The following SLC6A17 variants were observed in gnomAD, a reference collection of about 807,000 sequenced individuals.
The protein encoded by SLC6A17 is solute carrier family 6 member 17.
Under a neutral mutation model 64.5 loss-of-function variants are expected in SLC6A17, and 21 were observed. The observed-to-expected ratio is 0.33, with a 90% CI of 0.23 to 0.47. SLC6A17 has a LOEUF of 0.47. Ranked by LOEUF, SLC6A17 falls within the 20% of genes least tolerant of loss-of-function variation. The pLI is 1.00. For missense variants in SLC6A17, 682 were observed against 963.2 expected (o/e 0.71, Z 3.86); for synonymous variants, 372 against 399.5 (o/e 0.93, Z 0.82).
chr1:110,194,646 C>T lies in SLC6A17; in HGVS notation c.1367C>T (p.Pro456Leu), dbSNP rs141398428. The change falls in exon 9 of 12, where the codon CCG becomes CTG. Residue 456 changes from proline (P) to leucine (L), a missense_variant. Physicochemically the swap from Pro to Leu is moderately conservative, Grantham distance 98 (BLOSUM62 -3). Coordinates refer to ENST00000331565, the MANE Select transcript of SLC6A17 (RefSeq NM_001010898.4). Reference sequence around the variant, plus strand: ...GCCATGACGCACTTCCCCGCCTCCCCGTTCTGGTCCGTCATGTTCTTCTTG... The same window carrying T: ...GCCATGACGCACTTCCCCGCCTCCCTGTTCTGGTCCGTCATGTTCTTCTTG... ...TEAMTHFPASPFWSVMFFLML... is the reference protein window; with the variant it reads ...TEAMTHFPASLFWSVMFFLML... 18 of 1,614,064 alleles carry T rather than the reference C, an allele frequency of 1.1e-5. No homozygotes were observed. Among genetic ancestry groups the T allele is most frequent in the South Asian group, 3.3e-5 (3 of 91,082 alleles).
intron 6 of SLC6A17, among the ~76,000 whole-genome samples, chr1:110,187,730 C>T (rs1557839255): frequency 6.6e-6 from 1 of 152,188 alleles, no homozygotes; most frequent in Non-Finnish European, 1.5e-5. Flanking sequence ...TTGACATTTG[C>T]GAATACCAGA....
In SLC6A17 at chr1:110,172,313, C is replaced by T. The variant is rs140521119; in HGVS notation, c.444+96C>T. The T allele has an allele frequency of 5.2e-4, 753 of 1,441,306 alleles. No individual in the cohort carries two copies. The African/African-American group carries it at 8.2e-3, about 16-fold the overall frequency. 89.3% of individuals were successfully genotyped at this position (1,441,306 alleles called of 1,614,324 possible). A position where few individuals can be genotyped will look rare whatever the true frequency, so the allele number is the denominator to read the frequency against. On this transcript the variant is annotated intron_variant, in intron 3 of 11. Coordinates refer to ENST00000331565, the MANE Select transcript of SLC6A17 (RefSeq NM_001010898.4). Reference sequence around the variant, plus strand: ...ACCGAGTTTCCAGGCCAGAGTCCTACGTCAGGACAAGGGCAGGGAGGGGGA... The same window carrying T: ...ACCGAGTTTCCAGGCCAGAGTCCTATGTCAGGACAAGGGCAGGGAGGGGGA...
intron 1 of SLC6A17, among the ~76,000 whole-genome samples, chr1:110,158,838 C>T (rs6696785): frequency 0.022 from 3,380 of 152,264 alleles, 138 homozygotes; most frequent in African/African-American, 0.076. Flanking sequence ...TATTTTTGCA[C>T]ATTGCCACAT....
At position 110,166,891 on chromosome 1, in the gene SLC6A17, T is replaced by C; in HGVS notation, c.-39T>C. 6.4e-7 allele frequency: 1 copy of C among 1,558,078 alleles called. No individual in the cohort carries two copies. The highest frequency in any genetic ancestry group is 1.4e-5 in the African/African-American group (1 of 73,790). On this transcript the variant is annotated 5_prime_UTR_variant, in exon 2 of 12. Coordinates refer to ENST00000331565, the MANE Select transcript of SLC6A17 (RefSeq NM_001010898.4). ...CAGCAGCTGAATTCCATCTTCTCTG[T>C]GTGCTGGGGAGCAGGGCTACACGGC... is the stretch of plus-strand genomic sequence containing the variant.
intron 11 of SLC6A17, 133 bp downstream of exon 11, chr1:110,197,732 G>A (rs1289182254): frequency 1.7e-5 from 18 of 1,051,298 alleles, no homozygotes; most frequent in Non-Finnish European, 2.4e-5. Context: ...CACCTAAACC[G>A]CAATCTTACA....
At chr1:110,182,916 C>G (rs887192634) in intron 6 of SLC6A17, among the ~76,000 whole-genome samples, 2 of 152,048 alleles carry the variant, frequency 1.3e-5, no homozygotes, top group African/African-American at 2.4e-5. Context: ...TTTTGCGATA[C>G]AGGAGCAGAG....
At chr1:110,173,908 TG>T in intron 3 of SLC6A17, 64 bp from the exon 4 acceptor site, 5 of 1,515,152 alleles carry the variant, frequency 3.3e-6, no homozygotes, top group Admixed American at 2.0e-5. Context: ...GGGCCTCGGG[TG>T]GAGCGTGGGG....
intron 6 of SLC6A17, among the ~76,000 whole-genome samples, chr1:110,189,199 C>T (rs1490641412): frequency 1.3e-5 from 2 of 152,216 alleles, no homozygotes; most frequent in East Asian, 1.9e-4. Flanking sequence ...ATCTGTCCAG[C>T]GGACCACTTG....
intron 1 of SLC6A17, among the ~76,000 whole-genome samples, chr1:110,164,469 C>G (rs929398559): frequency 6.6e-6 from 1 of 152,224 alleles, no homozygotes; most frequent in African/African-American, 2.4e-5. Flanking sequence ...CTGAGTCTGA[C>G]CCTGTTGTCA....
At chr1:110,190,923 T>G (rs1656809101) in intron 6 of SLC6A17, among the ~76,000 whole-genome samples, 1 of 152,224 alleles carries the variant, frequency 6.6e-6, no homozygotes, top group Admixed American at 6.5e-5. Context: ...GCAAGTCATT[T>G]CATCTTTGGG....
chr1:110,194,441 A>G (rs979181062), intron 8 of SLC6A17, 138 bp from the exon 9 acceptor site: 11 of 925,894 alleles, frequency 1.2e-5, no homozygotes, highest in Middle Eastern at 3.4e-4. Context: ...GCCAAAATCA[A>G]CAGGATTTAG....
At chr1:110,182,660 T>C (rs2100938008) in intron 6 of SLC6A17, among the ~76,000 whole-genome samples, 1 of 151,308 alleles carries the variant, frequency 6.6e-6, no homozygotes, top group East Asian at 1.9e-4. Flanking sequence ...AAACAGACAT[T>C]CTAGATGCAG....
intron 1 of SLC6A17, among the ~76,000 whole-genome samples, chr1:110,155,464 T>G (rs1004620918): frequency 2.6e-5 from 4 of 152,226 alleles, no homozygotes; most frequent in African/African-American, 9.7e-5. Context: ...AGAGAATAAT[T>G]CTGGGTCAGG....
Position 110,182,943 on chromosome 1 carries a change from G to A in SLC6A17, c.864+6204G>A, listed in dbSNP as rs144743992. On this transcript the variant is annotated intron_variant, in intron 6 of 11. Transcript: ENST00000331565. ...GGAGCAGAGAAATGAGAAATGGGAT[G>A]GTAACTGGAGAGGGTCATGGGGTCA... Among the ~76,000 whole-genome samples, 586 of 152,250 alleles carry A rather than the reference G, an allele frequency of 3.8e-3. 4 individuals are homozygous for A. Among genetic ancestry groups the A allele is most frequent in the African/African-American group, 0.013 (538 of 41,544 alleles).
Position 110,195,566 on chromosome 1 carries a change from G to A in SLC6A17, c.1493-20G>A, listed in dbSNP as rs749829504. 6 of 1,613,182 alleles carry A rather than the reference G, an allele frequency of 3.7e-6. No individual in the cohort carries two copies. Among genetic ancestry groups the A allele is most frequent in the South Asian group, 1.1e-5 (1 of 91,030 alleles). ...CACCCTGCACCTTTGCCCCCAAACC[G>A]GCCTCCCGGCTCTCTGTAGTGGGCT... is the stretch of plus-strand genomic sequence containing the variant. On this transcript the variant is annotated intron_variant, in intron 9 of 11. Coordinates refer to ENST00000331565, the MANE Select transcript of SLC6A17 (RefSeq NM_001010898.4).
intron 6 of SLC6A17, among the ~76,000 whole-genome samples, chr1:110,186,575 AGC>A (rs1178383683): frequency 6.6e-6 from 1 of 152,242 alleles, no homozygotes; most frequent in Non-Finnish European, 1.5e-5. Context: ...ACAGCATCTT[AGC>A]CCAAAAGGCT....
chr1:110,162,079 C>T (rs1348916322), intron 1 of SLC6A17, among the ~76,000 whole-genome samples: 1 of 152,272 alleles, frequency 6.6e-6, no homozygotes, highest in African/African-American at 2.4e-5. Context: ...GCACTCGTGC[C>T]CCTCTGCGCT....
chr1:110,151,503 G>C (rs896021496), intron 1 of SLC6A17, among the ~76,000 whole-genome samples: 7 of 152,258 alleles, frequency 4.6e-5, no homozygotes, highest in African/African-American at 1.7e-4. Context: ...GACAGGGGAC[G>C]TGCGTGTGGT....
chr1:110,176,544 C>T, intron 5 of SLC6A17, 85 bp from the exon 6 acceptor site: 1 of 1,300,070 alleles, frequency 7.7e-7, no homozygotes, highest in Non-Finnish European at 1.1e-6. Flanking sequence ...AGGGGCGGCT[C>T]ATGTGCCCCA....
Sources: gnomAD v4.1 joint callset for allele counts (sites outside exome capture counted in the v4.1 genomes callset) on GRCh38, gnomAD v4.1.1 for gene constraint, MANE v1.5 for transcripts, NCBI Gene and HGNC (gene_info 2026-07-23, HGNC 2026-07-21) for gene names.